The following ABLIM2 variants were observed in gnomAD, a reference collection of about 807,000 sequenced individuals.
The protein encoded by ABLIM2 is actin-binding LIM protein 2.
In ABLIM2, 53 loss-of-function variants were observed where a neutral mutation model predicts 97.7. The observed-to-expected ratio is 0.54, with a 90% CI of 0.44 to 0.68. The LOEUF (loss-of-function observed/expected upper bound fraction) is 0.68. Among genes scored for constraint, ABLIM2 ranks in the 30% least tolerant of loss-of-function variants. The pLI is 0.00. For synonymous variants in ABLIM2, 361 were observed against 345.8 expected (o/e 1.04, Z -0.49); for missense variants, 835 against 867.2 (o/e 0.96, Z 0.47).
Position 8,097,110 on chromosome 4 carries a change from A to G in ABLIM2, c.327T>C (p.Cys109=). 6.2e-7 allele frequency: 1 copy of G among 1,607,032 alleles called. No individual in the cohort carries two copies. Among genetic ancestry groups the G allele is most frequent in the South Asian group, 1.1e-5 (1 of 90,324 alleles). ...GCCCACTTACTCACCGGCAGACGGC[A>G]CACACGAAGCAGTCGGGGTGGTAGG... The part of the protein sequence containing the change: ...GKTYHPDCFV[C]AVCRLPFPPG... The change falls in exon 3 of 21, where the codon TGT becomes TGC. Residue 109 remains cysteine (C), a synonymous_variant. Transcript: ENST00000447017.
chr4:8,070,459 G>A (rs1259803013), intron 6 of ABLIM2, among the ~76,000 whole-genome samples: 1 of 152,004 alleles, frequency 6.6e-6, no homozygotes, highest in East Asian at 1.9e-4. Flanking sequence ...TTGAGAAGTC[G>A]CTATCACCTC....
chr4:8,125,266 TTTTC>T lies in ABLIM2; in HGVS notation c.11-18633_11-18630del, dbSNP rs1335897402. On this transcript the variant is annotated intron_variant, in intron 1 of 20. Coordinates refer to ENST00000447017, the MANE Select transcript of ABLIM2 (RefSeq NM_001130083.2). This position sits in a 1 kb window ranked among gnomAD's most constrained non-coding sequence, Gnocchi z 6.2. The stretch of plus-strand genomic sequence containing the variant: ...TTATGACGGCTTGGGCTTTGGTGTC[TTTTC>T]TAAGAAACCATCGCCTGATCCACCG... Among the ~76,000 whole-genome samples the T allele has an allele frequency of 6.6e-6, 1 of 152,232 alleles. No individual in the cohort carries two copies. The highest frequency in any genetic ancestry group is 1.5e-5 in the Non-Finnish European group (1 of 68,044).
chr4:7,984,186 G>T (rs994431353), intron 18 of ABLIM2, among the ~76,000 whole-genome samples: 1 of 152,162 alleles, frequency 6.6e-6, no homozygotes, highest in African/African-American at 2.4e-5. Context: ...GTCGGGAGCC[G>T]GTCCCTGAGT....
rs1261263625 is a variant in ABLIM2, at chr4:8,125,526, T to G, written c.11-18889A>C. 6.6e-6 allele frequency among the ~76,000 whole-genome samples: 1 copy of G among 152,116 alleles called. No individual in the cohort carries two copies. Among genetic ancestry groups the G allele is most frequent in the Non-Finnish European group, 1.5e-5 (1 of 68,008 alleles). Reference sequence around the variant, plus strand: ...TTCTGGGATGGCTCTGCCATCAGCGTTGACGGTCTGGTCCATCTACCACAG... The same window carrying G: ...TTCTGGGATGGCTCTGCCATCAGCGGTGACGGTCTGGTCCATCTACCACAG... On this transcript the variant is annotated intron_variant, in intron 1 of 20. Coordinates refer to ENST00000447017, the MANE Select transcript of ABLIM2 (RefSeq NM_001130083.2). This position sits in a 1 kb window ranked among gnomAD's most constrained non-coding sequence, Gnocchi z 6.2.
chr4:8,156,100 G>A lies in ABLIM2; in HGVS notation c.10+2580C>T, dbSNP rs187758152. Among the ~76,000 whole-genome samples the A allele has an allele frequency of 3.9e-5, 6 of 152,330 alleles. No homozygotes were observed. The East Asian group carries it at 9.6e-4, about 24-fold the overall frequency. ...AATCTGATCTGCCAGGCCAGCAGCT[G>A]CCCAGGAGGATATTTAGGCTCAGAA... is the stretch of plus-strand genomic sequence containing the variant. On this transcript the variant is annotated intron_variant, in intron 1 of 20. Coordinates refer to ENST00000447017, the MANE Select transcript of ABLIM2 (RefSeq NM_001130083.2).
Position 8,023,905 on chromosome 4 carries a change from G to T in ABLIM2, c.1268-3602C>A, listed in dbSNP as rs1775631480. ...CCTGGTGCTGGCTCAGCTGGCTCCT[G>T]TGGAGCCTCCTCCAGGTGACACCGC... On this transcript the variant is annotated intron_variant, in intron 12 of 20. Transcript: ENST00000447017. This position sits in a 1 kb window ranked among gnomAD's most constrained non-coding sequence, Gnocchi z 5.7. 6.6e-6 allele frequency among the ~76,000 whole-genome samples: 1 copy of T among 152,194 alleles called. No individual in the cohort carries two copies. The highest frequency in any genetic ancestry group is 1.5e-5 in the Non-Finnish European group (1 of 68,034).
chr4:8,056,090 G>A (rs1021340092), intron 7 of ABLIM2, among the ~76,000 whole-genome samples: 1 of 97,050 alleles, frequency 1.0e-5, no homozygotes, highest in East Asian at 3.1e-4. Flanking sequence ...TCCAGCCTGG[G>A]TAACAGAGCA....
chr4:8,088,975 G>T (rs1484524151), intron 3 of ABLIM2, among the ~76,000 whole-genome samples: 1 of 152,202 alleles, frequency 6.6e-6, no homozygotes, highest in East Asian at 1.9e-4. Flanking sequence ...TCGTAGACAG[G>T]AAGATGCTGG....
chr4:8,079,964 T>C (rs1185084818), intron 5 of ABLIM2, among the ~76,000 whole-genome samples: 1 of 152,114 alleles, frequency 6.6e-6, no homozygotes, highest in Non-Finnish European at 1.5e-5. Flanking sequence ...CTCGTCCACA[T>C]ATTCGCCCCT....
chr4:8,086,183 C>A (rs975875785), intron 4 of ABLIM2, among the ~76,000 whole-genome samples: 1 of 151,194 alleles, frequency 6.6e-6, no homozygotes, highest in Non-Finnish European at 1.5e-5. Flanking sequence ...TCTAGGGGTC[C>A]GGGGAACATT....
rs146945079 is a variant in ABLIM2 at position 7,992,073 on chromosome 4, C to CTG, written c.1680+791_1680+792dup. Among the ~76,000 whole-genome samples, 1 of 151,982 alleles carries CTG rather than the reference C, an allele frequency of 6.6e-6. No homozygotes were observed. The highest frequency in any genetic ancestry group is 2.1e-4 in the South Asian group (1 of 4,822). On this transcript the variant is annotated intron_variant, in intron 17 of 20. Transcript: ENST00000447017. The surrounding 1 kb of genome is among the most constrained non-coding windows in gnomAD (Gnocchi z 5.7). ...CTTGCGCAATGGGGAGACCCCTGGG[C>CTG]TGTGTGTGTGTGTCTGTGTGTTGGG...
chr4:8,108,698 G>A (rs1481646124), intron 1 of ABLIM2, among the ~76,000 whole-genome samples: 2 of 152,216 alleles, frequency 1.3e-5, no homozygotes, highest in Non-Finnish European at 2.9e-5. Flanking sequence ...AGTCCCCCGA[G>A]GCCGACAGCC....
Position 8,019,609 on chromosome 4 carries a change from C to T in ABLIM2, c.1423+9G>A, listed in dbSNP as rs1342532714. The T allele has an allele frequency of 1.2e-6, 2 of 1,608,386 alleles. No individual in the cohort carries two copies. The highest frequency in any genetic ancestry group is 2.7e-5 in the African/African-American group (2 of 74,410). ...GCAAACCACAGCAGCGGGAGGAATCCAACCGTACCATGCTGTCTGTAGATA... is the reference window on the plus strand; with the variant it reads ...GCAAACCACAGCAGCGGGAGGAATCTAACCGTACCATGCTGTCTGTAGATA... On this transcript the variant is annotated intron_variant, in intron 14 of 20. Coordinates refer to ENST00000447017, the MANE Select transcript of ABLIM2 (RefSeq NM_001130083.2). The surrounding 1 kb of genome is among the most constrained non-coding windows in gnomAD (Gnocchi z 4.3).
intron 7 of ABLIM2, among the ~76,000 whole-genome samples, chr4:8,057,160 G>A (rs541422258): frequency 3.1e-4 from 43 of 140,602 alleles, no homozygotes; most frequent in Admixed American, 5.3e-4. Context: ...GTGCAGTTAT[G>A]CAATCTCAGC....
chr4:7,990,956 C>A (rs1279484374), intron 17 of ABLIM2, among the ~76,000 whole-genome samples: 1 of 152,218 alleles, frequency 6.6e-6, no homozygotes, highest in Non-Finnish European at 1.5e-5. Flanking sequence ...AGCTAAGAAT[C>A]TCCACGTGAT....
rs1045977037 is a variant in ABLIM2 at position 8,100,341 on chromosome 4, C to T, written c.155-3059G>A. 1.1e-4 allele frequency among the ~76,000 whole-genome samples: 17 copies of T among 152,146 alleles called. No individual in the cohort carries two copies. The South Asian group carries it at 2.7e-3, about 24-fold the overall frequency. Reference sequence around the variant, plus strand: ...CCTGGGCTTGAGTCCTTGCTTCTTCCACTTCCCAGCTGTGTGACCTTGACC... The same window carrying T: ...CCTGGGCTTGAGTCCTTGCTTCTTCTACTTCCCAGCTGTGTGACCTTGACC... On this transcript the variant is annotated intron_variant, in intron 2 of 20. Coordinates refer to ENST00000447017, the MANE Select transcript of ABLIM2 (RefSeq NM_001130083.2).
Position 7,998,689 on chromosome 4 carries a change from C to A in ABLIM2, c.1619-5762G>T. On this transcript the variant is annotated intron_variant, in intron 16 of 20. Coordinates refer to ENST00000447017, the MANE Select transcript of ABLIM2 (RefSeq NM_001130083.2). This position sits in a 1 kb window ranked among gnomAD's most constrained non-coding sequence, Gnocchi z 6.4. ...TGCCACCACATGGGAGGCTGGGAGT[C>A]TGCAGGTCTGGGCCACCTCCTGCCA... is the stretch of plus-strand genomic sequence containing the variant. The A allele has an allele frequency of 2.0e-6, 1 of 507,510 alleles. No homozygotes were observed. The highest frequency in any genetic ancestry group is 5.6e-5 in the East Asian group (1 of 17,808). The allele number at this position is 507,510 out of a possible 1,614,324, so 31.4% of individuals were successfully genotyped here.
chr4:8,035,144 C>A (rs546014301), intron 10 of ABLIM2, among the ~76,000 whole-genome samples: 249 of 151,874 alleles, frequency 1.6e-3, no homozygotes, highest in African/African-American at 5.9e-3. Context: ...TCCCTCAGCT[C>A]CCCCCACTGG....
chr4:8,074,251 C>T lies in ABLIM2; in HGVS notation c.675+3377G>A, dbSNP rs55721559. Among the ~76,000 whole-genome samples the T allele has an allele frequency of 3.3e-3, 501 of 152,148 alleles. 5 individuals carry two copies. Among genetic ancestry groups the T allele is most frequent in the African/African-American group, 0.011 (476 of 41,496 alleles). ...GAAGGATCACTTGAGGCCAAGAGTT[C>T]CAGGCCAGCTGGGGCAATACAGCAA... On this transcript the variant is annotated intron_variant, in intron 6 of 20. Transcript: ENST00000447017.
Sources: gnomAD v4.1 joint callset for allele counts (sites outside exome capture counted in the v4.1 genomes callset) on GRCh38, gnomAD v4.1.1 for gene constraint, Gnocchi (gnomAD v3.1) non-coding constraint, MANE v1.5 for transcripts, NCBI Gene and HGNC (gene_info 2026-07-23, HGNC 2026-07-21) for gene names.